The following UNC13C variants were observed in gnomAD, a reference collection of about 807,000 sequenced individuals.
UNC13C encodes protein unc-13 homolog C.
In UNC13C, 174 loss-of-function variants were observed where a neutral mutation model predicts 245.4. The ratio of observed to expected loss-of-function variants is 0.71; its 90% CI spans 0.63 to 0.80. The LOEUF (loss-of-function observed/expected upper bound fraction) is 0.80. UNC13C is among the 30% of genes least tolerant of loss of function. The pLI, the probability that UNC13C is intolerant of heterozygous loss-of-function variation, is 0.00. For synonymous variants in UNC13C, 992 were observed against 895.1 expected (o/e 1.11, Z -1.93); for missense variants, 2,829 against 2,602.9 (o/e 1.09, Z -1.89).
intron 2 of UNC13C, among the ~76,000 whole-genome samples, chr15:54,101,703 C>G (rs530270601): frequency 3.9e-5 from 6 of 152,188 alleles, no homozygotes; most frequent in Non-Finnish European, 5.9e-5. Flanking sequence ...GCTTCAGCCT[C>G]CTGAGTAGCT....
At chr15:54,230,926 G>GAGCA (rs1318112906) in intron 4 of UNC13C, among the ~76,000 whole-genome samples, 10 of 151,974 alleles carry the variant, frequency 6.6e-5, no homozygotes, top group Admixed American at 5.9e-4. Flanking sequence ...TATTGAATTT[G>GAGCA]AGCATGCTTG....
chr15:54,596,732 A>G (rs987112686), intron 30 of UNC13C, among the ~76,000 whole-genome samples: 3 of 152,132 alleles, frequency 2.0e-5, no homozygotes, highest in African/African-American at 4.8e-5. Flanking sequence ...TCCCCATGGA[A>G]ATGAGTGATT....
the UNC13C span, among the ~76,000 whole-genome samples, chr15:53,950,188 T>C: frequency 6.6e-6 from 1 of 152,168 alleles, no homozygotes; most frequent in African/African-American, 2.4e-5. Flanking sequence ...TTGGTAAAGA[T>C]GATCAGGTAT....
intron 2 of UNC13C, among the ~76,000 whole-genome samples, chr15:54,069,392 A>G (rs916871605): frequency 2.0e-5 from 3 of 152,214 alleles, no homozygotes; most frequent in African/African-American, 7.2e-5. Context: ...CTATAAGGAT[A>G]GACATTCATA....
intron 24 of UNC13C, among the ~76,000 whole-genome samples, chr15:54,514,539 G>A (rs1359557030): frequency 6.6e-6 from 1 of 152,176 alleles, no homozygotes; most frequent in East Asian, 1.9e-4. Flanking sequence ...TGCTCAAAAT[G>A]GTTTTTAATG....
In UNC13C at chr15:54,204,778, A is replaced by T. The variant is rs2034654975; in HGVS notation, c.3072-30252A>T. On this transcript the variant is annotated intron_variant, in intron 4 of 32. Coordinates refer to ENST00000260323, the MANE Select transcript of UNC13C (RefSeq NM_001080534.3). ...AAGAATTATTATCACAAAATTCAGG[A>T]TAGTAGTTAACTTTGGAGGAGAGGG... Among the ~76,000 whole-genome samples, 4 of 151,966 alleles carry T rather than the reference A, an allele frequency of 2.6e-5. No individual in the cohort carries two copies. The South Asian group carries it at 8.3e-4, about 31-fold the overall frequency.
At chr15:54,389,511 G>A (rs561210984) in intron 17 of UNC13C, among the ~76,000 whole-genome samples, 2 of 152,236 alleles carry the variant, frequency 1.3e-5, no homozygotes, top group Non-Finnish European at 2.9e-5. Flanking sequence ...AAAGGCTTCA[G>A]GAAATCTGAA....
chr15:54,019,507 C>T (rs2141001268), intron 2 of UNC13C, among the ~76,000 whole-genome samples: 1 of 152,288 alleles, frequency 6.6e-6, no homozygotes, highest in South Asian at 2.1e-4. Flanking sequence ...AAATACTGTA[C>T]TATAACAGCT....
At chr15:54,153,957 A>G (rs982473516) in intron 4 of UNC13C, among the ~76,000 whole-genome samples, 63 of 152,158 alleles carry the variant, frequency 4.1e-4, no homozygotes, top group Middle Eastern at 3.4e-3. Context: ...TACCTGTGGT[A>G]TTTTGATTTA....
At chr15:54,246,335 T>C (rs181345485) in intron 7 of UNC13C, among the ~76,000 whole-genome samples, 42 of 152,210 alleles carry the variant, frequency 2.8e-4, no homozygotes, top group Admixed American at 5.2e-4. Flanking sequence ...TACTCATTTC[T>C]ACAGGTAAAC....
the UNC13C span, among the ~76,000 whole-genome samples, chr15:53,925,703 G>A: frequency 1.3e-5 from 2 of 152,166 alleles, no homozygotes; most frequent in African/African-American, 4.8e-5. Context: ...GTAGTGTCGG[G>A]AGAAACAATC....
intron 2 of UNC13C, among the ~76,000 whole-genome samples, chr15:54,131,659 T>C (rs1288814874): frequency 2.6e-5 from 4 of 152,162 alleles, no homozygotes; most frequent in Non-Finnish European, 5.9e-5. Context: ...CAATGTAGCA[T>C]GTTTAGAGTT....
chr15:54,358,610 A>T (rs1326451712), intron 17 of UNC13C, among the ~76,000 whole-genome samples: 1 of 118,992 alleles, frequency 8.4e-6, no homozygotes, highest in Non-Finnish European at 1.8e-5. Flanking sequence ...GATTTGAGAT[A>T]GTCTGTAATT....
chr15:54,480,657 CTG>C (rs1201790190), intron 19 of UNC13C, among the ~76,000 whole-genome samples: 1 of 151,962 alleles, frequency 6.6e-6, no homozygotes, highest in Non-Finnish European at 1.5e-5. Context: ...TTCTCTTGCT[CTG>C]TGTTTCTTTA....
chr15:53,969,799 T>G, the UNC13C span, among the ~76,000 whole-genome samples: 2 of 152,134 alleles, frequency 1.3e-5, no homozygotes, highest in Non-Finnish European at 2.9e-5. Flanking sequence ...GACATTGTTG[T>G]GGGACAGATC....
chr15:54,625,142 A>T (rs1901052318), intron 32 of UNC13C, among the ~76,000 whole-genome samples: 1 of 152,174 alleles, frequency 6.6e-6, no homozygotes, highest in Non-Finnish European at 1.5e-5. Flanking sequence ...GTGACATTCC[A>T]TGAAGGGCAA....
chr15:54,388,346 A>G (rs1385130330), intron 17 of UNC13C, among the ~76,000 whole-genome samples: 1 of 152,156 alleles, frequency 6.6e-6, no homozygotes, highest in Non-Finnish European at 1.5e-5. Context: ...AACATTCAAC[A>G]CTGGAGAAAA....
the UNC13C span, among the ~76,000 whole-genome samples, chr15:53,936,885 A>G: frequency 6.6e-6 from 1 of 152,200 alleles, no homozygotes; most frequent in Non-Finnish European, 1.5e-5. Flanking sequence ...GTGGTCAGCA[A>G]CCTCAAAGAC....
the UNC13C span, among the ~76,000 whole-genome samples, chr15:53,942,793 G>A: frequency 6.6e-6 from 1 of 152,052 alleles, no homozygotes; most frequent in Non-Finnish European, 1.5e-5. Flanking sequence ...CTTCCAAATA[G>A]CTGAGATTAC....
Sources: gnomAD v4.1 joint callset for allele counts (sites outside exome capture counted in the v4.1 genomes callset) on GRCh38, gnomAD v4.1.1 for gene constraint, MANE v1.5 for transcripts, NCBI Gene and HGNC (gene_info 2026-07-23, HGNC 2026-07-21) for gene names.